Variants in SGCD observed in about 807,000 individuals in gnomAD.
SGCD encodes delta-sarcoglycan.
In SGCD, 18 loss-of-function variants were observed where a neutral mutation model predicts 36.6. The ratio of observed to expected loss-of-function variants is 0.49; its 90% CI spans 0.34 to 0.73. The LOEUF (loss-of-function observed/expected upper bound fraction) is 0.73, where lower values mean the gene tolerates loss of function less well. Among genes scored for constraint, SGCD ranks in the 30% least tolerant of loss-of-function variants. SGCD has a pLI of 0.01. For synonymous variants in SGCD, 133 were observed against 130.6 expected (o/e 1.02, Z -0.12); for missense variants, 387 against 346.7 (o/e 1.12, Z -0.92).
rs80128915 is a variant in SGCD at position 156,461,427 on chromosome 5, A to G, written c.193-47174A>G. 4.9e-3 allele frequency among the ~76,000 whole-genome samples: 742 copies of G among 152,238 alleles called. 5 individuals are homozygous for G. The highest frequency in any genetic ancestry group is 0.017 in the African/African-American group (688 of 41,562). On this transcript the variant is annotated intron_variant, in intron 3 of 8. Coordinates refer to ENST00000337851, the MANE Select transcript of SGCD (RefSeq NM_000337.6). The stretch of plus-strand genomic sequence containing the variant: ...AGAAAATGAGGAGAACTTTATTACT[A>G]TGAAATGAGAGTAAATTTAATGTGA...
the SGCD span, among the ~76,000 whole-genome samples, chr5:155,759,681 C>T: frequency 2.6e-5 from 4 of 152,130 alleles, no homozygotes; most frequent in Non-Finnish European, 4.4e-5. Flanking sequence ...AGATGTTCAC[C>T]GTCAGGAAGT....
intron 3 of SGCD, among the ~76,000 whole-genome samples, chr5:156,167,892 C>G (rs1581142487): frequency 6.6e-6 from 1 of 152,164 alleles, no homozygotes; most frequent in African/African-American, 2.4e-5. Flanking sequence ...GCAAAAAGGA[C>G]TAACACAGAA....
chr5:156,733,889 C>T (rs989095263), intron 7 of SGCD, among the ~76,000 whole-genome samples: 3 of 152,012 alleles, frequency 2.0e-5, no homozygotes, highest in African/African-American at 4.8e-5. Flanking sequence ...ACTACATGTG[C>T]GAGGGTCTCT....
intron 7 of SGCD, among the ~76,000 whole-genome samples, chr5:156,688,326 G>A (rs549315262): frequency 3.3e-4 from 50 of 152,212 alleles, no homozygotes; most frequent in African/African-American, 1.1e-3. Context: ...TTATCTGAAT[G>A]CATTTATCCA....
chr5:156,038,516 A>G lies in SGCD; in HGVS notation c.-281-79362A>G, dbSNP rs1022908414. Among the ~76,000 whole-genome samples the G allele has an allele frequency of 6.6e-5, 10 of 152,230 alleles. No homozygotes were observed. The South Asian group carries it at 1.9e-3, about 28-fold the overall frequency. On this transcript the variant is annotated intron_variant, in intron 1 of 9. Transcript: ENST00000517913. ...GTTGATCTTAGGGAAAATTATTAGG[A>G]TGTGATACATACAGGAACTCTGTAC...
chr5:156,084,970 G>A (rs2127592519), intron 1 of SGCD, among the ~76,000 whole-genome samples: 1 of 152,232 alleles, frequency 6.6e-6, no homozygotes, highest in Non-Finnish European at 1.5e-5. Context: ...TCATTCGCTT[G>A]TTGATATGAT....
intron 1 of SGCD, among the ~76,000 whole-genome samples, chr5:156,038,917 A>G (rs1194046785): frequency 6.6e-6 from 1 of 152,172 alleles, no homozygotes; most frequent in Non-Finnish European, 1.5e-5. Flanking sequence ...AATCCTTAGC[A>G]GGGCCTACAA....
At chr5:155,931,846 C>G (rs1392758438) in intron 1 of SGCD, among the ~76,000 whole-genome samples, 2 of 152,194 alleles carry the variant, frequency 1.3e-5, no homozygotes, top group Non-Finnish European at 2.9e-5. Flanking sequence ...AGCTTGTAAA[C>G]TACAGTAACT....
chr5:156,084,398 AT>A (rs1761044281), intron 1 of SGCD, among the ~76,000 whole-genome samples: 1 of 152,140 alleles, frequency 6.6e-6, no homozygotes, highest in African/African-American at 2.4e-5. Flanking sequence ...CTGCATGTTC[AT>A]TGTTGGTATA....
chr5:156,655,199 T>C (rs1763624810), intron 7 of SGCD, among the ~76,000 whole-genome samples: 1 of 152,148 alleles, frequency 6.6e-6, no homozygotes, highest in African/African-American at 2.4e-5. Flanking sequence ...GAAACTTAAA[T>C]ATACATGTTC....
chr5:156,317,789 A>G (rs1767557214), intron 3 of SGCD, among the ~76,000 whole-genome samples: 1 of 152,198 alleles, frequency 6.6e-6, no homozygotes, highest in South Asian at 2.1e-4. Flanking sequence ...TTGTAATAAT[A>G]GAATATTAAA....
At chr5:156,754,630 T>A (rs1757271256) in intron 7 of SGCD, among the ~76,000 whole-genome samples, 1 of 152,226 alleles carries the variant, frequency 6.6e-6, no homozygotes, top group South Asian at 2.1e-4. Context: ...TGGAGTCCAC[T>A]AAATTGAATT....
intron 1 of SGCD, among the ~76,000 whole-genome samples, chr5:155,907,157 C>T (rs1333603479): frequency 6.6e-6 from 1 of 152,024 alleles, no homozygotes; most frequent in African/African-American, 2.4e-5. Flanking sequence ...TACAGTTTAT[C>T]TGTTTACAGC....
At chr5:156,605,040 CTT>C (rs1491332574) in intron 6 of SGCD, among the ~76,000 whole-genome samples, 1 of 147,880 alleles carries the variant, frequency 6.8e-6, no homozygotes, top group Non-Finnish European at 1.5e-5. Flanking sequence ...TTTTTTTTCT[CTT>C]GTGTGTGTGT....
intron 1 of SGCD, among the ~76,000 whole-genome samples, chr5:155,962,827 T>C (rs1394704131): frequency 6.6e-6 from 1 of 152,108 alleles, no homozygotes; most frequent in Non-Finnish European, 1.5e-5. Context: ...TGATTCCCGA[T>C]AAAACCACCA....
At chr5:156,459,477 G>A (rs1754393618) in intron 3 of SGCD, among the ~76,000 whole-genome samples, 1 of 152,172 alleles carries the variant, frequency 6.6e-6, no homozygotes, top group Non-Finnish European at 1.5e-5. Context: ...CATTTTGCCT[G>A]TGTCTTGGAG....
chr5:156,542,830 A>G (rs932761502), intron 4 of SGCD, among the ~76,000 whole-genome samples: 6 of 152,216 alleles, frequency 3.9e-5, no homozygotes, highest in Non-Finnish European at 8.8e-5. Flanking sequence ...CTCAGAATAA[A>G]GAATTGTCTA....
chr5:156,047,824 T>G (rs1561695751), intron 1 of SGCD, among the ~76,000 whole-genome samples: 1 of 152,102 alleles, frequency 6.6e-6, no homozygotes, highest in Non-Finnish European at 1.5e-5. Context: ...ATTTCTCTTT[T>G]CTTTTTTTTT....
At chr5:156,309,130 G>A (rs745790615) in intron 3 of SGCD, among the ~76,000 whole-genome samples, 7 of 151,982 alleles carry the variant, frequency 4.6e-5, no homozygotes, top group Non-Finnish European at 1.0e-4. Flanking sequence ...TGTCCTTTGA[G>A]GTTATCTCCT....
Sources: allele counts gnomAD v4.1 joint callset (sites outside exome capture counted in the v4.1 genomes callset), GRCh38; gene constraint gnomAD v4.1.1; transcripts MANE v1.5; gene names NCBI Gene and HGNC (gene_info 2026-07-23, HGNC 2026-07-21).